BLTP1: variants seen among roughly 807,000 people sequenced by gnomAD.
BLTP1 encodes fragile site-associated protein.
At chr4:122,165,524 A>T in the BLTP1 span, among the ~76,000 whole-genome samples, 2 of 130,326 alleles carry the variant, frequency 1.5e-5, 1 homozygote, top group Non-Finnish European at 3.4e-5. Context: ...ATAGTGCCGC[A>T]ATAAACATAG....
chr4:122,169,665 A>G, the BLTP1 span: 19,765 of 960,972 alleles, frequency 0.021, 1,316 homozygotes, highest in African/African-American at 0.21. Context: ...CTGTGTGTGC[A>G]TATATACATA....
At chr4:122,165,932 C>G in the BLTP1 span, among the ~76,000 whole-genome samples, 21 of 150,710 alleles carry the variant, frequency 1.4e-4, no homozygotes, top group Non-Finnish European at 2.7e-4. Flanking sequence ...TTGTTTTTTT[C>G]TTGTAAATTT....
chr4:122,207,902 A>G, the BLTP1 span: 10 of 984,498 alleles, frequency 1.0e-5, no homozygotes, highest in East Asian at 1.1e-4. Context: ...GCTAATCTGT[A>G]TGTTAGCCCT....
chr4:122,224,449 T>C, the BLTP1 span: 3 of 1,560,616 alleles, frequency 1.9e-6, no homozygotes, highest in African/African-American at 4.1e-5. Context: ...CTAGAAATTA[T>C]AATGTGATTT....
the BLTP1 span, chr4:122,317,991 G>T: frequency 3.5e-6 from 1 of 287,960 alleles, no homozygotes. Context: ...TTTCTTAACA[G>T]TTCGCCAAAT....
the BLTP1 span, chr4:122,347,897 G>C: frequency 4.4e-6 from 2 of 451,348 alleles, no homozygotes; most frequent in African/African-American, 2.3e-5. Context: ...TTTATGACAC[G>C]TCAAAAAAAA....
At chr4:122,229,091 A>G in the BLTP1 span, 2 of 1,547,164 alleles carry the variant, frequency 1.3e-6, no homozygotes, top group Non-Finnish European at 1.7e-6. Flanking sequence ...GATGGTGATG[A>G]TTTAGATGTA....
At chr4:122,154,640 G>A in the BLTP1 span, among the ~76,000 whole-genome samples, 9 of 152,274 alleles carry the variant, frequency 5.9e-5, no homozygotes, top group East Asian at 1.2e-3. Flanking sequence ...TTGGGAGGCC[G>A]AGGCGGGCGG....
At chr4:122,301,305 G>C in the BLTP1 span, 1 of 1,590,086 alleles carries the variant, frequency 6.3e-7, no homozygotes, top group Admixed American at 1.8e-5. Context: ...TTTAGGTGGG[G>C]AGCAGCCTAT....
chr4:122,289,738 T>C, the BLTP1 span: 98 of 958,908 alleles, frequency 1.0e-4, no homozygotes, highest in South Asian at 3.5e-3. Context: ...ATGAATGTTA[T>C]CATGTTAAAA....
the BLTP1 span, chr4:122,215,519 G>A: frequency 8.1e-6 from 8 of 985,240 alleles, no homozygotes; most frequent in Non-Finnish European, 9.6e-6. Context: ...GATTTTCTGG[G>A]GGCCATTTAC....
the BLTP1 span, chr4:122,179,974 A>G: frequency 1.0e-6 from 1 of 984,742 alleles, no homozygotes; most frequent in East Asian, 1.1e-4. Flanking sequence ...TATCCCTCCA[A>G]AAGACAGGCA....
At chr4:122,307,523 C>G in the BLTP1 span, 5 of 985,210 alleles carry the variant, frequency 5.1e-6, no homozygotes, top group Non-Finnish European at 6.0e-6. Flanking sequence ...ACATCTTTGA[C>G]TTTTCTCTGT....
the BLTP1 span, chr4:122,247,538 A>G: frequency 9.6e-7 from 1 of 1,038,294 alleles, no homozygotes; most frequent in Non-Finnish European, 1.3e-6. Flanking sequence ...CACATTCTGT[A>G]CAGAATAGAA....
the BLTP1 span, among the ~76,000 whole-genome samples, chr4:122,275,253 A>G: frequency 6.6e-6 from 1 of 152,094 alleles, no homozygotes; most frequent in Non-Finnish European, 1.5e-5. Context: ...AGCCTCACCT[A>G]GATTATTATA....
At chr4:122,206,033 TA>T in the BLTP1 span, 1 of 982,968 alleles carries the variant, frequency 1.0e-6, no homozygotes, top group Non-Finnish European at 1.2e-6. Context: ...TTATTGGGAT[TA>T]AAAAAACTTA....
At chr4:122,211,820 C>T in the BLTP1 span, among the ~76,000 whole-genome samples, 1 of 152,116 alleles carries the variant, frequency 6.6e-6, no homozygotes, top group African/African-American at 2.4e-5. Flanking sequence ...CACTCTTATT[C>T]TTTTGATGTT....
the BLTP1 span, among the ~76,000 whole-genome samples, chr4:122,322,028 G>C: frequency 3.2e-5 from 1 of 31,558 alleles, no homozygotes; most frequent in African/African-American, 1.5e-4. Context: ...CATTTATCCT[G>C]CTTGGTGTTC....
chr4:122,194,701 CTTCTTAA>C, the BLTP1 span: 1 of 839,594 alleles, frequency 1.2e-6, no homozygotes, highest in Non-Finnish European at 1.4e-6. Flanking sequence ...AAGTGTGATT[CTTCTTAA>C]ACTGTATTTA....
Sources: allele counts gnomAD v4.1 joint callset (sites outside exome capture counted in the v4.1 genomes callset), GRCh38; gene constraint gnomAD v4.1.1; transcripts MANE v1.5; gene names NCBI Gene and HGNC (gene_info 2026-07-23, HGNC 2026-07-21).